The following AP1M1 variants were observed in gnomAD, a reference collection of about 807,000 sequenced individuals.
The protein encoded by AP1M1 is AP-1 complex subunit mu-1.
Under a neutral mutation model 57.1 loss-of-function variants are expected in AP1M1, and 18 were observed. The observed-to-expected ratio is 0.32, with a 90% CI of 0.22 to 0.47. AP1M1 has a LOEUF of 0.47. AP1M1 is among the 20% of genes least tolerant of loss of function. AP1M1 has a pLI of 1.00. For synonymous variants in AP1M1, 241 were observed against 237.9 expected (o/e 1.01, Z -0.12); for missense variants, 362 against 593.5 (o/e 0.61, Z 4.05).
intron 6 of AP1M1, chr19:16,226,833 T>G: frequency 3.1e-6 from 1 of 317,548 alleles, no homozygotes; most frequent in East Asian, 5.2e-5. Context: ...CACTGGGGCC[T>G]AGGCTAAGGC....
At chr19:16,225,930 G>GCCCAT (rs1040779005) in intron 5 of AP1M1, among the ~76,000 whole-genome samples, 1 of 152,154 alleles carries the variant, frequency 6.6e-6, no homozygotes. Flanking sequence ...GCCCAGCCCA[G>GCCCAT]CCCATCGGCT....
chr19:16,214,097 G>A (rs2091507387), intron 5 of AP1M1, among the ~76,000 whole-genome samples: 1 of 150,232 alleles, frequency 6.7e-6, no homozygotes, highest in South Asian at 2.1e-4. Flanking sequence ...AGCCCAGGCT[G>A]GAGTGCCATG....
chr19:16,219,798 G>T (rs1041053509), intron 5 of AP1M1, among the ~76,000 whole-genome samples: 8 of 152,176 alleles, frequency 5.3e-5, no homozygotes, highest in African/African-American at 1.7e-4. Context: ...CCTGCATTTT[G>T]ACTGCAACCT....
rs2091611363 is a variant in AP1M1, at chr19:16,234,031, A to ACACAAAT, written c.1174-164_1174-163insAATCACA. ...CTTCCAGAGGCGGCTCTGCCCTCCC[A>ACACAAAT]CACATTTGCATGGTCCAGACAAATC... On this transcript the variant is annotated intron_variant, in intron 10 of 11. Coordinates refer to ENST00000291439, the MANE Select transcript of AP1M1 (RefSeq NM_032493.4). 4.5e-6 allele frequency: 3 copies of ACACAAAT among 664,126 alleles called. No homozygotes were observed. The South Asian group carries it at 6.4e-5, about 14-fold the overall frequency. 41.1% of individuals were successfully genotyped at this position (664,126 alleles called of 1,614,324 possible). A position where few individuals can be genotyped will look rare whatever the true frequency, so the allele number is the denominator to read the frequency against.
At position 16,242,691 on chromosome 19, in the gene AP1M1, G is replaced by A. The variant is rs1226036334; in HGVS notation, c.*8256G>A. ...TAAAAGTAAAAAGACATTAAAAGAT[G>A]CCAAAAGAAATCTCATATGGTTATA... On this transcript the variant is annotated 3_prime_UTR_variant, in exon 12 of 12. Coordinates refer to ENST00000291439, the MANE Select transcript of AP1M1 (RefSeq NM_032493.4). 6.6e-6 allele frequency: 1 copy of A among 152,192 alleles called. No homozygotes were observed. Among genetic ancestry groups the A allele is most frequent in the Non-Finnish European group, 1.5e-5 (1 of 68,032 alleles). The allele number at this position is 152,192 out of a possible 1,614,324, so 9.4% of individuals were successfully genotyped here. A position where few individuals can be genotyped will look rare whatever the true frequency, so the allele number is the denominator to read the frequency against.
chr19:16,222,585 A>G (rs1313762787), intron 5 of AP1M1, among the ~76,000 whole-genome samples: 2 of 122,822 alleles, frequency 1.6e-5, no homozygotes, highest in Non-Finnish European at 3.7e-5. Flanking sequence ...TTTCCATTTG[A>G]TTCTTCTCTT....
rs1056866237 is a variant in AP1M1, at chr19:16,243,681, T to G, written c.*9246T>G. The G allele has an allele frequency of 6.6e-6, 1 of 152,086 alleles. No homozygotes were observed. The highest frequency in any genetic ancestry group is 2.1e-4 in the South Asian group (1 of 4,824). The allele number at this position is 152,086 out of a possible 1,614,324, so 9.4% of individuals were successfully genotyped here. On this transcript the variant is annotated 3_prime_UTR_variant, in exon 12 of 12. Transcript: ENST00000291439. Reference sequence around the variant, plus strand: ...GAATGGCCAGGTGCAGTGGCTCATGTCTATAATCCCAGCACTTTAGGAGGC... The same window carrying G: ...GAATGGCCAGGTGCAGTGGCTCATGGCTATAATCCCAGCACTTTAGGAGGC...
chr19:16,243,244 T>G lies in AP1M1; in HGVS notation c.*8809T>G, dbSNP rs918534533. On this transcript the variant is annotated 3_prime_UTR_variant, in exon 12 of 12. Coordinates refer to ENST00000291439, the MANE Select transcript of AP1M1 (RefSeq NM_032493.4). ...TTAAAATATTTCCAAATATGAGAGG[T>G]TTTTTTTGTTTTTGTTTTTGTTTTT... 6 of 110,962 alleles carry G rather than the reference T, an allele frequency of 5.4e-5. No homozygotes were observed. Among genetic ancestry groups the G allele is most frequent in the African/African-American group, 6.4e-5 (2 of 31,218 alleles). 6.9% of individuals were successfully genotyped at this position (110,962 alleles called of 1,614,324 possible).
chr19:16,200,690 G>C (rs575015080), intron 1 of AP1M1, among the ~76,000 whole-genome samples: 27 of 152,202 alleles, frequency 1.8e-4, no homozygotes, highest in Non-Finnish European at 2.8e-4. Flanking sequence ...CACTGGGCTG[G>C]GAGGAAGCTG....
chr19:16,217,659 T>G (rs1174243608), intron 5 of AP1M1, among the ~76,000 whole-genome samples: 1 of 151,964 alleles, frequency 6.6e-6, no homozygotes, highest in Non-Finnish European at 1.5e-5. Context: ...AGACTGAGGG[T>G]TGCTCAGGTC....
chr19:16,229,048 C>G, intron 9 of AP1M1, 120 bp downstream of exon 9: 1 of 1,223,490 alleles, frequency 8.2e-7, no homozygotes. Flanking sequence ...GTCTTCCACA[C>G]CTGGGGCTTC....
intron 1 of AP1M1, 118 bp downstream of exon 1, chr19:16,198,186 G>A (rs2091432343): frequency 1.6e-5 from 19 of 1,160,136 alleles, no homozygotes; most frequent in Non-Finnish European, 2.3e-5. Flanking sequence ...GTGAGGCAGA[G>A]AGGCCGGTAG....
At chr19:16,211,390 A>G (rs966447655) in intron 5 of AP1M1, among the ~76,000 whole-genome samples, 2 of 152,124 alleles carry the variant, frequency 1.3e-5, no homozygotes, top group African/African-American at 2.4e-5. Context: ...CACCATGCCC[A>G]GCCCCCAATA....
intron 5 of AP1M1, among the ~76,000 whole-genome samples, chr19:16,219,733 G>A (rs2091535249): frequency 2.0e-5 from 3 of 152,134 alleles, no homozygotes; most frequent in South Asian, 2.1e-4. Flanking sequence ...TATGCACGTA[G>A]TCTGAAGGTA....
chr19:16,205,332 A>C (rs2091464968), intron 2 of AP1M1, among the ~76,000 whole-genome samples: 2 of 152,190 alleles, frequency 1.3e-5, no homozygotes, highest in African/African-American at 2.4e-5. Context: ...TTTCACCCCC[A>C]GCCGGGACAG....
At chr19:16,225,403 AG>A (rs34588462) in intron 5 of AP1M1, among the ~76,000 whole-genome samples, 100,010 of 151,950 alleles carry the variant, frequency 0.66, 35,161 homozygotes, top group Non-Finnish European at 0.8. Flanking sequence ...AGTGGTGGCC[AG>A]GGCTGCAGCC....
chr19:16,197,975 T>TCGCTGCCGCCGCCACCGCCCTCGGC lies in AP1M1; in HGVS notation c.-43_-19dup, dbSNP rs28372758. The TCGCTGCCGCCGCCACCGCCCTCGGC allele has an allele frequency of 0.14, 207,042 of 1,442,808 alleles. 25,159 individuals carry two copies. Among genetic ancestry groups the TCGCTGCCGCCGCCACCGCCCTCGGC allele is most frequent in the East Asian group, 0.53 (18,006 of 33,666 alleles). 89.4% of individuals were successfully genotyped at this position (1,442,808 alleles called of 1,614,324 possible). ...GCTCAACGCCCAGCAGTCCCCACCG[T>TCGCTGCCGCCGCCACCGCCCTCGGC]CGCTGCCGCCGCCACCGCCCTCGGC... is the stretch of plus-strand genomic sequence containing the variant. On this transcript the variant is annotated 5_prime_UTR_variant, in exon 1 of 12. Coordinates refer to ENST00000291439, the MANE Select transcript of AP1M1 (RefSeq NM_032493.4).
In AP1M1 at chr19:16,233,495, C is replaced by T. The variant is rs888741271; in HGVS notation, c.1050C>T (p.Gly350=). The T allele has an allele frequency of 6.2e-6, 10 of 1,600,054 alleles. No homozygotes were observed. The highest frequency in any genetic ancestry group is 2.2e-5 in the South Asian group (2 of 89,068). The change falls in exon 10 of 12, where the codon GGC becomes GGT. Residue 350 remains glycine (G), a splice_region_variant and synonymous_variant. Transcript: ENST00000291439. ...EIVWSIKSFP[G]GKEYLMRAHF... ...CGCCTCCCCCGTCTGCTCCCCAGGGCGGCAAGGAGTACCTGATGCGGGCCC... is the reference window on the plus strand; with the variant it reads ...CGCCTCCCCCGTCTGCTCCCCAGGGTGGCAAGGAGTACCTGATGCGGGCCC...
rs752308670 is a variant in AP1M1 at position 16,226,428 on chromosome 19, C to T, written c.554C>T (p.Ala185Val). Reference sequence around the variant, plus strand: ...CCACACCGCCACCCCCAGGTCAGCGCCAACGGCAATGTCCTGCGCAGCGAG... The same window carrying T: ...CCACACCGCCACCCCCAGGTCAGCGTCAACGGCAATGTCCTGCGCAGCGAG... ...VIESVNLLVSANGNVLRSEIV... is the reference protein window; with the variant it reads ...VIESVNLLVSVNGNVLRSEIV... Residue 185 changes from alanine to valine, a missense_variant, in exon 6 of 12, where the codon GCC (alanine) becomes GTC (valine). This residue lies in a region of AP1M1 where 337 missense variants were observed against 511.1 expected (regional missense o/e 0.66). Coordinates refer to ENST00000291439, the MANE Select transcript of AP1M1 (RefSeq NM_032493.4). 1 of 1,541,590 alleles carries T rather than the reference C, an allele frequency of 6.5e-7. No homozygotes were observed. Among genetic ancestry groups the T allele is most frequent in the South Asian group, 1.2e-5 (1 of 85,280 alleles).
Sources: gnomAD v4.1 joint callset for allele counts (sites outside exome capture counted in the v4.1 genomes callset) on GRCh38, gnomAD v4.1.1 for gene constraint, gnomAD v4.1.1 regional missense constraint, MANE v1.5 for transcripts, NCBI Gene and HGNC (gene_info 2026-07-23, HGNC 2026-07-21) for gene names.